RIPK1: variants seen among roughly 807,000 people sequenced by gnomAD.
RIPK1 encodes the protein receptor interacting serine/threonine kinase 1.
RIPK1 carries 27 observed loss-of-function variants against 62.4 expected under a neutral mutation model. The ratio of observed to expected loss-of-function variants is 0.43; its 90% CI spans 0.32 to 0.60. The LOEUF is 0.60. Among genes scored for constraint, RIPK1 ranks in the 20% least tolerant of loss-of-function variants. The pLI, the probability that RIPK1 is intolerant of heterozygous loss-of-function variation, is 0.07. For missense variants in RIPK1, 735 were observed against 831.0 expected, an observed-to-expected ratio of 0.88 and a Z score of 1.42; for synonymous variants, 287 against 303.2, an observed-to-expected ratio of 0.95 and a Z score of 0.55.
intron 7 of RIPK1, among the ~76,000 whole-genome samples, chr6:3,094,631 A>T (rs914678761): frequency 6.6e-6 from 1 of 151,050 alleles, no homozygotes; most frequent in African/African-American, 2.4e-5. Context: ...TTAGCCAAAC[A>T]TTATCTGAAG....
At chr6:3,081,501 C>T (rs1438719282) in intron 4 of RIPK1, among the ~76,000 whole-genome samples, 1 of 152,204 alleles carries the variant, frequency 6.6e-6, no homozygotes, top group African/African-American at 2.4e-5. Context: ...GACTCTCCTC[C>T]TCTGGAAATG....
rs1300402482 is a variant in RIPK1 at position 3,103,056 on chromosome 6, G to T, written c.916-1169G>T. ...TAGTCACTCTAAGGAGTGTGAAAGTGTACCTCATGGTGGTTTTGACTTGCA... is the reference window on the plus strand; with the variant it reads ...TAGTCACTCTAAGGAGTGTGAAAGTTTACCTCATGGTGGTTTTGACTTGCA... On this transcript the variant is annotated intron_variant, in intron 7 of 10. Transcript: ENST00000259808. 2.0e-5 allele frequency among the ~76,000 whole-genome samples: 3 copies of T among 152,148 alleles called. No homozygotes were observed. The South Asian group carries it at 6.2e-4, about 32-fold the overall frequency.
Position 3,081,067 on chromosome 6 carries a change from A to G in RIPK1, c.410A>G (p.Lys137Arg), listed in dbSNP as rs770188054. The change falls in exon 4 of 11, where the codon AAG becomes AGG. Residue 137 changes from lysine (K) to arginine (R), a missense_variant. Physicochemically the swap from Lys to Arg is conservative, Grantham distance 26. Transcript: ENST00000259808. Reference sequence around the variant, plus strand: ...TTACATGGAAAAGGCGTGATACACAAGGACCTGAAGCCTGAAAATATCCTT... The same window carrying G: ...TTACATGGAAAAGGCGTGATACACAGGGACCTGAAGCCTGAAAATATCCTT... ...CYLHGKGVIH[K>R]DLKPENILVD... 3.7e-6 allele frequency: 6 copies of G among 1,614,084 alleles called. No individual in the cohort carries two copies. In the African/African-American group the frequency reaches 6.7e-5, roughly 18 times the overall value.
upstream of RIPK1, chr6:3,068,460 AAGGGCCGGGGCAGGGGGAGG>A: frequency 1.0e-6 from 1 of 985,330 alleles, no homozygotes; most frequent in Non-Finnish European, 1.2e-6. Context: ...CCTCCCCGGC[AAGGGCCGGGGCAGGGGGAGG>A]AGGCAGCGCG....
upstream of RIPK1, chr6:3,068,242 G>T (rs999167847): frequency 1.6e-5 from 16 of 985,534 alleles, no homozygotes; most frequent in Admixed American, 2.5e-4. Flanking sequence ...GAATCCTCCG[G>T]ATAGCGCCCC....
intron 9 of RIPK1, among the ~76,000 whole-genome samples, chr6:3,108,760 T>G (rs1393438896): frequency 6.6e-6 from 1 of 152,144 alleles, no homozygotes; most frequent in Non-Finnish European, 1.5e-5. Context: ...AGGACCCCAG[T>G]TTCAGCAGCT....
chr6:3,097,488 G>C (rs1345216579), intron 7 of RIPK1, among the ~76,000 whole-genome samples: 1 of 152,204 alleles, frequency 6.6e-6, no homozygotes, highest in South Asian at 2.1e-4. Context: ...AGAGCAGTGG[G>C]GAAGTGACAG....
At position 3,068,585 on chromosome 6, in the gene RIPK1, A is replaced by AGAGCGCGGCCATCCGGGCGGGGCCGACG; in HGVS notation, c.-127_-100dup. The stretch of plus-strand genomic sequence containing the variant: ...CCAGGGGACCCACAGCTGGGGCGCC[A>AGAGCGCGGCCATCCGGGCGGGGCCGACG]GAGCGCGGCCATCCGGGCGGGGCCG... On this transcript the variant is annotated 5_prime_UTR_variant, in exon 1 of 11. Transcript: ENST00000259808. The AGAGCGCGGCCATCCGGGCGGGGCCGACG allele has an allele frequency of 1.0e-6, 1 of 985,340 alleles. No homozygotes were observed. Among genetic ancestry groups the AGAGCGCGGCCATCCGGGCGGGGCCGACG allele is most frequent in the Non-Finnish European group, 1.2e-6 (1 of 829,980 alleles). The allele number at this position is 985,340 out of a possible 1,614,324, so 61.0% of individuals were successfully genotyped here. A position where few individuals can be genotyped will look rare whatever the true frequency, so the allele number is the denominator to read the frequency against.
intron 7 of RIPK1, among the ~76,000 whole-genome samples, chr6:3,103,918 G>A (rs1261049433): frequency 6.6e-6 from 1 of 152,126 alleles, no homozygotes; most frequent in Non-Finnish European, 1.5e-5. Context: ...TTTATAGGAG[G>A]GTTTATTCCT....
chr6:3,077,992 A>G (rs1759183817), intron 3 of RIPK1, 57 bp downstream of exon 3: 11 of 1,574,800 alleles, frequency 7.0e-6, no homozygotes, highest in Non-Finnish European at 9.5e-6. Flanking sequence ...GCTGTCTGTT[A>G]TGGCTCCCCT....
At chr6:3,085,144 T>G in intron 5 of RIPK1, 115 bp from the exon 6 acceptor site, 1 of 1,071,806 alleles carries the variant, frequency 9.3e-7, no homozygotes. Context: ...CATTCCACTC[T>G]ATGGAATGAG....
chr6:3,087,823 C>T (rs1581405239), intron 6 of RIPK1, among the ~76,000 whole-genome samples: 1 of 152,298 alleles, frequency 6.6e-6, no homozygotes, highest in Non-Finnish European at 1.5e-5. Context: ...CAGGTGTGAG[C>T]CACTGTGTCC....
At position 3,105,797 on chromosome 6, in the gene RIPK1, G is replaced by A. The variant is rs772610497; in HGVS notation, c.1322G>A (p.Ser441Asn). The A allele has an allele frequency of 4.5e-5, 72 of 1,614,086 alleles. No homozygotes were observed. The highest frequency in any genetic ancestry group is 6.0e-5 in the Non-Finnish European group (71 of 1,180,032). The change falls in exon 9 of 11, where the codon AGT becomes AAT. Residue 441 changes from serine to asparagine, a missense_variant. Ser to Asn is a conservative substitution (Grantham distance 46, BLOSUM62 1). Coordinates refer to ENST00000259808, the MANE Select transcript of RIPK1 (RefSeq NM_001354930.2). This position sits in a 1 kb window ranked among gnomAD's most constrained non-coding sequence, Gnocchi z 4.5. The part of the protein sequence containing the change: ...NTEGKGTAYS[S>N]AASHGNAVHQ... ...GAGGGAAAAGGCACTGCTTATTCCAGTGCAGCCAGTCATGGTAATGCAGTG... is the reference window on the plus strand; with the variant it reads ...GAGGGAAAAGGCACTGCTTATTCCAATGCAGCCAGTCATGGTAATGCAGTG...
At chr6:3,090,509 C>A (rs1329672101) in intron 7 of RIPK1, among the ~76,000 whole-genome samples, 1 of 152,156 alleles carries the variant, frequency 6.6e-6, no homozygotes, top group Non-Finnish European at 1.5e-5. Context: ...CCCAATTCAT[C>A]TGGAAAGTAT....
At chr6:3,064,447 G>A (rs1758289577), upstream of RIPK1, among the ~76,000 whole-genome samples, 2 of 152,194 alleles carry the variant, frequency 1.3e-5, no homozygotes, top group Admixed American at 1.3e-4. Flanking sequence ...CTAGTCTCCA[G>A]TTCTAAATCC....
intron 7 of RIPK1, among the ~76,000 whole-genome samples, chr6:3,097,929 C>T (rs1430400486): frequency 6.6e-6 from 1 of 152,116 alleles, no homozygotes; most frequent in Non-Finnish European, 1.5e-5. Flanking sequence ...GGCATGGTGG[C>T]TCATGCCTGT....
At chr6:3,088,226 T>C (rs1303679836) in intron 6 of RIPK1, among the ~76,000 whole-genome samples, 1 of 152,164 alleles carries the variant, frequency 6.6e-6, no homozygotes, top group African/African-American at 2.4e-5. Flanking sequence ...TGGGTAGAGG[T>C]AGAAGTTCAG....
intron 7 of RIPK1, among the ~76,000 whole-genome samples, chr6:3,103,442 C>T (rs1339380846): frequency 2.6e-5 from 4 of 152,016 alleles, no homozygotes; most frequent in African/African-American, 9.7e-5. Flanking sequence ...GCTAGGACTA[C>T]AGGCACACAC....
At chr6:3,100,845 G>T (rs889531441) in intron 7 of RIPK1, among the ~76,000 whole-genome samples, 1 of 151,850 alleles carries the variant, frequency 6.6e-6, no homozygotes, top group Admixed American at 6.6e-5. Context: ...TGCTCGCCTC[G>T]GCCTCCTAGA....
Sources: gnomAD v4.1 joint callset for allele counts (sites outside exome capture counted in the v4.1 genomes callset) on GRCh38, gnomAD v4.1.1 for gene constraint, Gnocchi (gnomAD v3.1) non-coding constraint, MANE v1.5 for transcripts, NCBI Gene and HGNC (gene_info 2026-07-23, HGNC 2026-07-21) for gene names.